Variants in TBC1D4 observed in about 807,000 individuals in gnomAD.
TBC1D4 encodes TBC (Tre-2, BUB2, CDC16) domain-containing protein.
In TBC1D4, 121 loss-of-function variants were observed where a neutral mutation model predicts 142.5. The observed-to-expected ratio is 0.85, with a 90% CI of 0.73 to 0.99. The LOEUF is 0.99. TBC1D4 is among the 50% of genes least tolerant of loss of function. The pLI, the probability that TBC1D4 is intolerant of heterozygous loss-of-function variation, is 0.00. For missense variants in TBC1D4, 1,475 were observed against 1,606.6 expected (o/e 0.92, Z 1.40); for synonymous variants, 630 against 628.2 (o/e 1.00, Z -0.04).
chr13:75,367,000 T>C, intron 1 of TBC1D4: 2 of 985,094 alleles, frequency 2.0e-6, no homozygotes, highest in Non-Finnish European at 2.4e-6. Flanking sequence ...GTATTAGCTC[T>C]AAGTTCTCTC....
At chr13:75,479,864 C>T (rs942863282) in intron 1 of TBC1D4, among the ~76,000 whole-genome samples, 3 of 152,044 alleles carry the variant, frequency 2.0e-5, no homozygotes, top group African/African-American at 7.3e-5. Context: ...AACAGTTATG[C>T]CATAAACATA....
chr13:75,289,834 G>A (rs1255986974), intron 19 of TBC1D4, among the ~76,000 whole-genome samples: 1 of 152,088 alleles, frequency 6.6e-6, no homozygotes, highest in African/African-American at 2.4e-5. Context: ...CTTCCTAGGG[G>A]GAAGGAGAGA....
chr13:75,317,954 C>T (rs1878452527), intron 12 of TBC1D4, among the ~76,000 whole-genome samples: 1 of 152,112 alleles, frequency 6.6e-6, no homozygotes, highest in Non-Finnish European at 1.5e-5. Flanking sequence ...CCATCAAATG[C>T]TATAATATGA....
At chr13:75,296,977 C>A (rs1397234493) in intron 17 of TBC1D4, among the ~76,000 whole-genome samples, 1 of 152,018 alleles carries the variant, frequency 6.6e-6, no homozygotes, top group African/African-American at 2.4e-5. Context: ...AAACCCACTG[C>A]AAGAGGCATT....
chr13:75,369,618 T>A (rs1182576648), intron 1 of TBC1D4, among the ~76,000 whole-genome samples: 3 of 152,182 alleles, frequency 2.0e-5, no homozygotes, highest in African/African-American at 7.2e-5. Context: ...ACTTAAAGCC[T>A]GGGTCCAGTA....
At chr13:75,305,192 G>T (rs560380835) in intron 15 of TBC1D4, among the ~76,000 whole-genome samples, 2 of 152,106 alleles carry the variant, frequency 1.3e-5, no homozygotes, top group Non-Finnish European at 2.9e-5. Context: ...TTCACCTTCC[G>T]CCATGATTGT....
chr13:75,450,519 T>C (rs1016345680), intron 1 of TBC1D4, among the ~76,000 whole-genome samples: 10 of 152,340 alleles, frequency 6.6e-5, no homozygotes, highest in African/African-American at 2.4e-4. Context: ...AAGGACGAAA[T>C]TGGTAACTTT....
At chr13:75,312,590 G>A in intron 13 of TBC1D4, 148 bp downstream of exon 13, 2 of 1,061,254 alleles carry the variant, frequency 1.9e-6, no homozygotes, top group East Asian at 5.1e-5. Flanking sequence ...GTTTTCTAAT[G>A]ATACCTGAAA....
chr13:75,353,338 T>C (rs1593777711), intron 4 of TBC1D4, among the ~76,000 whole-genome samples: 1 of 152,222 alleles, frequency 6.6e-6, no homozygotes, highest in South Asian at 2.1e-4. Context: ...AGTTCTCCAG[T>C]GATCACAGAT....
intron 1 of TBC1D4, among the ~76,000 whole-genome samples, chr13:75,425,614 C>A (rs887171951): frequency 6.6e-6 from 1 of 152,148 alleles, no homozygotes; most frequent in Non-Finnish European, 1.5e-5. Context: ...GGTATACATA[C>A]ACAATGGAAT....
chr13:75,396,558 T>C (rs1884804337), intron 1 of TBC1D4, among the ~76,000 whole-genome samples: 1 of 152,226 alleles, frequency 6.6e-6, no homozygotes, highest in Middle Eastern at 3.4e-3. Context: ...GATTTCCTAA[T>C]AAAGCCAGTT....
At chr13:75,396,887 T>G (rs1203844061) in intron 1 of TBC1D4, among the ~76,000 whole-genome samples, 2 of 152,028 alleles carry the variant, frequency 1.3e-5, no homozygotes, top group Non-Finnish European at 2.9e-5. Flanking sequence ...TTCAGAGATT[T>G]TACACATAAA....
rs1888880715 is a variant in TBC1D4 at position 75,481,571 on chromosome 13, C to G, written c.197G>C (p.Ser66Thr). The G allele has an allele frequency of 1.9e-6, 3 of 1,600,596 alleles. No homozygotes were observed. The highest frequency in any genetic ancestry group is 2.6e-6 in the Non-Finnish European group (3 of 1,173,854). ...GCAGCCGCCCGCCTCGGGCTTCTGG[C>G]TGCGCCTGCGGATCTCGGCCATGAG... is the stretch of plus-strand genomic sequence containing the variant. ...PWLMAEIRRR[S>T]QKPEAGGCGA... Residue 66 changes from serine (S) to threonine (T), a missense_variant, in exon 1 of 21, where the codon AGC becomes ACC. Around this residue, in one of 2 missense-constraint regions of TBC1D4, gnomAD observed 1,227 missense variants for 1,267.7 expected, o/e 0.97. Coordinates refer to ENST00000377636, the MANE Select transcript of TBC1D4 (RefSeq NM_014832.5).
rs1418533907 is a variant in TBC1D4 at position 75,327,007 on chromosome 13, G to A, written c.1807-584C>T. On this transcript the variant is annotated intron_variant, in intron 9 of 20. Coordinates refer to ENST00000377636, the MANE Select transcript of TBC1D4 (RefSeq NM_014832.5). ...TCTATTCAATTACATGTTCCCTGAG[G>A]TAAATTTCTTTTAAAACACATGAAA... Among the ~76,000 whole-genome samples, 3 of 152,242 alleles carry A rather than the reference G, an allele frequency of 2.0e-5. No homozygotes were observed. In the East Asian group the frequency reaches 5.8e-4, roughly 29 times the overall value.
intron 1 of TBC1D4, among the ~76,000 whole-genome samples, chr13:75,380,893 C>A (rs961120867): frequency 1.3e-5 from 2 of 152,024 alleles, no homozygotes; most frequent in Non-Finnish European, 2.9e-5. Flanking sequence ...TCCAAAATGC[C>A]CTCTCTGTAA....
Position 75,326,298 on chromosome 13 carries a change from G to A in TBC1D4, c.1932C>T (p.Ser644=). ...TTCTCTTTGTGCTTGAAGGTGGGTG[G>A]CTGAACGTGTGTGCCCGTCTTCGAA... ...PQFRRRAHTF[S]HPPSSTKRKL... The change falls in exon 10 of 21, where the codon AGC becomes AGT. Residue 644 remains serine, a synonymous_variant. Coordinates refer to ENST00000377636, the MANE Select transcript of TBC1D4 (RefSeq NM_014832.5). 6.2e-7 allele frequency: 1 copy of A among 1,614,138 alleles called. No homozygotes were observed. Among genetic ancestry groups the A allele is most frequent in the Non-Finnish European group, 8.5e-7 (1 of 1,180,040 alleles).
rs955193637 is a variant in TBC1D4 at position 75,330,154 on chromosome 13, A to G, written c.1732-2328T>C. ...CTTTAACTTTTTACCTTGTTCTCCT[A>G]TTTTCCATTTCTTTGAAGTTTGCTC... On this transcript the variant is annotated intron_variant, in intron 8 of 20. Coordinates refer to ENST00000377636, the MANE Select transcript of TBC1D4 (RefSeq NM_014832.5). Among the ~76,000 whole-genome samples, 4 of 151,648 alleles carry G rather than the reference A, an allele frequency of 2.6e-5. No homozygotes were observed. The East Asian group carries it at 5.8e-4, about 22-fold the overall frequency.
intron 1 of TBC1D4, among the ~76,000 whole-genome samples, chr13:75,435,591 A>G (rs555315625): frequency 1.7e-4 from 26 of 152,330 alleles, no homozygotes; most frequent in Admixed American, 1.0e-3. Context: ...ATAAACATAC[A>G]TATATTTCAT....
intron 1 of TBC1D4, among the ~76,000 whole-genome samples, chr13:75,430,523 T>C (rs1300759610): frequency 6.6e-6 from 1 of 152,204 alleles, no homozygotes; most frequent in African/African-American, 2.4e-5. Context: ...CCGGAATTTA[T>C]AAAGCAGAAT....
Sources: allele counts gnomAD v4.1 joint callset (sites outside exome capture counted in the v4.1 genomes callset), GRCh38; gene constraint gnomAD v4.1.1; regional missense constraint gnomAD v4.1.1; transcripts MANE v1.5; gene names NCBI Gene and HGNC (gene_info 2026-07-23, HGNC 2026-07-21).